Variants in CEP63 observed in about 807,000 individuals in gnomAD.
CEP63 encodes centrosomal protein of 63 kDa.
CEP63 carries 84 observed loss-of-function variants against 89.1 expected under a neutral mutation model. That is an observed-to-expected ratio of 0.94 (90% CI 0.79 to 1.13). The LOEUF is 1.13. Among genes scored for constraint, CEP63 ranks in the 50% most tolerant of loss-of-function variants. The pLI is 0.00. For missense variants in CEP63, 838 were observed against 813.3 expected, an observed-to-expected ratio of 1.03 and a Z score of -0.37; for synonymous variants, 267 against 272.5, an observed-to-expected ratio of 0.98 and a Z score of 0.20.
Position 134,545,663 on chromosome 3 carries a change from T to C in CEP63, c.633T>C (p.Ser211=). 6.2e-7 allele frequency: 1 copy of C among 1,614,088 alleles called. No individual in the cohort carries two copies. Among genetic ancestry groups the C allele is most frequent in the Non-Finnish European group, 8.5e-7 (1 of 1,180,020 alleles). ...AATCAGAAATTCAACACTTAAGCAGTAAACTGGAGCGGGCTAATGACACTA... is the reference window on the plus strand; with the variant it reads ...AATCAGAAATTCAACACTTAAGCAGCAAACTGGAGCGGGCTAATGACACTA... ...SSQSEIQHLS[S]KLERANDTIC... The change falls in exon 7 of 15, where the codon AGT becomes AGC. Residue 211 remains serine (S), a synonymous_variant. Transcript: ENST00000675561.
the CEP63 span, among the ~76,000 whole-genome samples, chr3:134,650,448 G>A: frequency 6.6e-5 from 10 of 151,994 alleles, no homozygotes; most frequent in African/African-American, 9.7e-5. Flanking sequence ...AGTGTGCTGT[G>A]GGGGGGAGCA....
chr3:134,571,622 A>G (rs1211566000), intron 11 of CEP63, among the ~76,000 whole-genome samples: 4 of 152,200 alleles, frequency 2.6e-5, no homozygotes, highest in Admixed American at 6.5e-5. Context: ...CGGAGCTTGC[A>G]GTGAGCTGAG....
At chr3:134,769,671 T>C in the CEP63 span, among the ~76,000 whole-genome samples, 1 of 152,236 alleles carries the variant, frequency 6.6e-6, no homozygotes, top group African/African-American at 2.4e-5. Context: ...TGTTCTCTCA[T>C]TGGAGTAACC....
At chr3:134,676,664 A>G in the CEP63 span, among the ~76,000 whole-genome samples, 2 of 152,206 alleles carry the variant, frequency 1.3e-5, no homozygotes, top group African/African-American at 4.8e-5. Context: ...TGAGGAATTG[A>G]GGACAGGAGA....
chr3:134,728,054 T>C, the CEP63 span, among the ~76,000 whole-genome samples: 1 of 152,136 alleles, frequency 6.6e-6, no homozygotes, highest in Non-Finnish European at 1.5e-5. Context: ...GGACAAAGTA[T>C]AGGAGCAAAC....
chr3:134,771,394 T>C, the CEP63 span, among the ~76,000 whole-genome samples: 1 of 152,210 alleles, frequency 6.6e-6, no homozygotes, highest in African/African-American at 2.4e-5. Context: ...CACTCATAAG[T>C]GGCAGTTGAA....
chr3:134,544,889 G>T (rs997862579), intron 6 of CEP63, among the ~76,000 whole-genome samples: 2 of 151,886 alleles, frequency 1.3e-5, no homozygotes, highest in African/African-American at 2.4e-5. Flanking sequence ...ACTTTGTCAC[G>T]CAGGCCGGAG....
Position 134,531,938 on chromosome 3 carries a change from G to T in CEP63, c.316G>T (p.Glu106Ter), listed in dbSNP as rs1177147095. Reference sequence around the variant, plus strand: ...GCAGGAGTTGAAGAAACTACATGAAGAAGTGAGATTTTAGTTTTGTTAAAT... The same window carrying T: ...GCAGGAGTTGAAGAAACTACATGAATAAGTGAGATTTTAGTTTTGTTAAAT... Reference protein sequence around the residue: ...YKQELKKLHEELCILKRSYEK... With the variant: ...YKQELKKLHE Residue 106 changes from glutamate (E) to a stop codon, truncating the protein, a stop_gained and splice_region_variant, in exon 4 of 15, where the codon GAA becomes TAA. Coordinates refer to ENST00000675561, the MANE Select transcript of CEP63 (RefSeq NM_001353108.3). LOFTEE classifies it high-confidence loss of function. The T allele has an allele frequency of 6.2e-7, 1 of 1,605,364 alleles. No individual in the cohort carries two copies. The highest frequency in any genetic ancestry group is 8.5e-7 in the Non-Finnish European group (1 of 1,172,302).
the CEP63 span, among the ~76,000 whole-genome samples, chr3:134,617,979 G>A: frequency 6.6e-6 from 1 of 152,152 alleles, no homozygotes; most frequent in Non-Finnish European, 1.5e-5. Context: ...AGGCCTGCAG[G>A]CAGCAGGAGG....
At chr3:134,552,175 A>G (rs767633695) in intron 12 of CEP63, 163 bp downstream of exon 12, 7 of 462,788 alleles carry the variant, frequency 1.5e-5, no homozygotes, top group Middle Eastern at 6.2e-4. Context: ...TGAGCAAAAT[A>G]TGACTCTCCA....
the CEP63 span, among the ~76,000 whole-genome samples, chr3:134,704,963 C>T: frequency 6.6e-6 from 1 of 152,304 alleles, no homozygotes; most frequent in African/African-American, 2.4e-5. Context: ...TAACCAGTTT[C>T]CAAGAACCAT....
chr3:134,566,832 T>G (rs946007971), downstream of CEP63, among the ~76,000 whole-genome samples: 4 of 152,200 alleles, frequency 2.6e-5, no homozygotes, highest in Non-Finnish European at 5.9e-5. Flanking sequence ...CTGATGGGAA[T>G]GTAAAATAGT....
intron 6 of CEP63, among the ~76,000 whole-genome samples, chr3:134,541,977 A>G (rs1192981750): frequency 6.6e-6 from 1 of 152,208 alleles, no homozygotes; most frequent in African/African-American, 2.4e-5. Context: ...AACTAAGGTC[A>G]TTTCTGTTTA....
At chr3:134,678,446 C>T in the CEP63 span, among the ~76,000 whole-genome samples, 2 of 152,272 alleles carry the variant, frequency 1.3e-5, no homozygotes, top group East Asian at 3.9e-4. Context: ...CTGTGTGCTT[C>T]TGGAAGGAAA....
chr3:134,570,001 G>A (rs762625728), downstream of CEP63, among the ~76,000 whole-genome samples: 42 of 152,160 alleles, frequency 2.8e-4, no homozygotes, highest in Non-Finnish European at 5.6e-4. Context: ...TGAGCTCTAC[G>A]TTGGCCACTT....
At chr3:134,609,087 C>A in the CEP63 span, among the ~76,000 whole-genome samples, 3 of 152,118 alleles carry the variant, frequency 2.0e-5, no homozygotes, top group African/African-American at 7.2e-5. Context: ...CCTAGGCTGT[C>A]GAGGGGAAAA....
the CEP63 span, among the ~76,000 whole-genome samples, chr3:134,696,102 G>A: frequency 6.6e-6 from 1 of 152,214 alleles, no homozygotes; most frequent in Non-Finnish European, 1.5e-5. Context: ...AGACACAGAG[G>A]AGCGTGTCAT....
At chr3:134,773,869 T>C in the CEP63 span, among the ~76,000 whole-genome samples, 4 of 152,228 alleles carry the variant, frequency 2.6e-5, no homozygotes, top group African/African-American at 9.6e-5. Context: ...TCTGAAATGA[T>C]CTTACTCATT....
At chr3:134,536,796 T>G (rs925167353) in intron 5 of CEP63, 3 of 325,578 alleles carry the variant, frequency 9.2e-6, no homozygotes, top group African/African-American at 6.4e-5. Context: ...GTAATCATAC[T>G]TTAAAATTTT....
Sources: gnomAD v4.1 joint callset for allele counts (sites outside exome capture counted in the v4.1 genomes callset) on GRCh38, gnomAD v4.1.1 for gene constraint, MANE v1.5 for transcripts, NCBI Gene and HGNC (gene_info 2026-07-23, HGNC 2026-07-21) for gene names.